Variants in DYRK3 observed in about 807,000 individuals in gnomAD.
DYRK3 encodes dual specificity tyrosine phosphorylation regulated kinase 3.
DYRK3 carries 30 observed loss-of-function variants against 40.8 expected under a neutral mutation model. That is an observed-to-expected ratio of 0.74 (90% CI 0.55 to 1.00). The LOEUF is 1.00. DYRK3 is among the 50% of genes least tolerant of loss of function. The pLI is 0.00. For missense variants in DYRK3, 699 were observed against 731.5 expected (o/e 0.96, Z 0.51); for synonymous variants, 272 against 260.7 (o/e 1.04, Z -0.42).
At chr1:206,640,304 A>T (rs1048047625) in intron 2 of DYRK3, among the ~76,000 whole-genome samples, 2 of 152,164 alleles carry the variant, frequency 1.3e-5, no homozygotes, top group East Asian at 1.9e-4. Flanking sequence ...GGTGCCACTT[A>T]CATTTCATTA....
Position 206,651,159 on chromosome 1 carries a change from C to G in DYRK3, c.*2194C>G, listed in dbSNP as rs1671622034. Among the ~76,000 whole-genome samples, 1 of 152,188 alleles carries G rather than the reference C, an allele frequency of 6.6e-6. No homozygotes were observed. The highest frequency in any genetic ancestry group is 2.4e-5 in the African/African-American group (1 of 41,454). On this transcript the variant is annotated 3_prime_UTR_variant, in exon 3 of 3. Transcript: ENST00000367109. The stretch of plus-strand genomic sequence containing the variant: ...CATCTTGATCTCTTCAGATGTCACA[C>G]TAAATGCTGCTCATAACCCATCCTC...
Position 206,647,781 on chromosome 1 carries a change from G to A in DYRK3, c.583G>A (p.Gly195Arg). 1 of 1,614,122 alleles carries A rather than the reference G, an allele frequency of 6.2e-7. No individual in the cohort carries two copies. Among genetic ancestry groups the A allele is most frequent in the Non-Finnish European group, 8.5e-7 (1 of 1,180,016 alleles). ...PNNGGYDDAD[G>R]AYIHVPRDHL... ...TAATGGAGGGTATGATGATGCAGAT[G>A]GGGCCTATATTCATGTACCTCGAGA... Residue 195 changes from glycine (G) to arginine (R), a missense_variant, in exon 3 of 3, where the codon GGG (glycine) becomes AGG (arginine). By Grantham distance (125) the Gly-to-Arg change is moderately radical (BLOSUM62 -2). Transcript: ENST00000367109.
At chr1:206,638,198 TATAG>T (rs1350883858) in intron 2 of DYRK3, among the ~76,000 whole-genome samples, 1 of 151,902 alleles carries the variant, frequency 6.6e-6, no homozygotes, top group African/African-American at 2.4e-5. Flanking sequence ...AGAACCATTT[TATAG>T]ATAGATGATA....
Position 206,649,956 on chromosome 1 carries a change from G to A in DYRK3, c.*991G>A, listed in dbSNP as rs2102347341. Reference sequence around the variant, plus strand: ...ATTTTTCCCCCCACTTTCACGTTAAGCTTAATGCTATTCCCTAGATCTGAG... The same window carrying A: ...ATTTTTCCCCCCACTTTCACGTTAAACTTAATGCTATTCCCTAGATCTGAG... On this transcript the variant is annotated 3_prime_UTR_variant, in exon 3 of 3. Coordinates refer to ENST00000367109, the MANE Select transcript of DYRK3 (RefSeq NM_003582.4). 6.6e-6 allele frequency among the ~76,000 whole-genome samples: 1 copy of A among 152,234 alleles called. No individual in the cohort carries two copies. Among genetic ancestry groups the A allele is most frequent in the East Asian group, 1.9e-4 (1 of 5,184 alleles).
chr1:206,636,712 A>G (rs1671122565), intron 1 of DYRK3, among the ~76,000 whole-genome samples: 1 of 152,234 alleles, frequency 6.6e-6, no homozygotes, highest in Non-Finnish European at 1.5e-5. Context: ...TTCCTCTGCA[A>G]CATCATCATT....
chr1:206,647,777 A>C lies in DYRK3; in HGVS notation c.579A>C (p.Ala193=). ...CCAATAATGGAGGGTATGATGATGC[A>C]GATGGGGCCTATATTCATGTACCTC... The part of the protein sequence containing the change: ...GGPNNGGYDD[A]DGAYIHVPRD... The change falls in exon 3 of 3, where the codon GCA becomes GCC. Residue 193 remains alanine (A), a synonymous_variant. Coordinates refer to ENST00000367109, the MANE Select transcript of DYRK3 (RefSeq NM_003582.4). The C allele has an allele frequency of 6.2e-7, 1 of 1,614,178 alleles. No individual in the cohort carries two copies. Among genetic ancestry groups the C allele is most frequent in the Non-Finnish European group, 8.5e-7 (1 of 1,180,020 alleles).
chr1:206,652,981 G>A lies in DYRK3; in HGVS notation c.*4016G>A, dbSNP rs1050025450. 2.0e-5 allele frequency among the ~76,000 whole-genome samples: 3 copies of A among 152,124 alleles called. No individual in the cohort carries two copies. The highest frequency in any genetic ancestry group is 7.2e-5 in the African/African-American group (3 of 41,430). ...TTGTTTCTGACACGGTGAGAGTTGGGTTAGAATTTTTATTTCATTCCCCAA... is the reference window on the plus strand; with the variant it reads ...TTGTTTCTGACACGGTGAGAGTTGGATTAGAATTTTTATTTCATTCCCCAA... On this transcript the variant is annotated 3_prime_UTR_variant, in exon 3 of 3. Transcript: ENST00000367109.
chr1:206,645,041 A>G (rs1671410623), intron 2 of DYRK3, among the ~76,000 whole-genome samples: 2 of 152,212 alleles, frequency 1.3e-5, no homozygotes, highest in South Asian at 2.1e-4. Context: ...TAAGTGTTCT[A>G]TAAATATTTA....
chr1:206,652,212 T>C lies in DYRK3; in HGVS notation c.*3247T>C, dbSNP rs559028743. Among the ~76,000 whole-genome samples the C allele has an allele frequency of 6.6e-6, 1 of 152,338 alleles. No individual in the cohort carries two copies. Among genetic ancestry groups the C allele is most frequent in the Non-Finnish European group, 1.5e-5 (1 of 68,036 alleles). On this transcript the variant is annotated 3_prime_UTR_variant, in exon 3 of 3. Coordinates refer to ENST00000367109, the MANE Select transcript of DYRK3 (RefSeq NM_003582.4). ...AGAAATTTAAGGATCTCCTGCATTA[T>C]CTAGGCAGAGCATATGTTGAGGTTG...
Position 206,647,823 on chromosome 1 carries a change from T to C in DYRK3, c.625T>C (p.Tyr209His). Residue 209 changes from tyrosine (Y) to histidine (H), a missense_variant, in exon 3 of 3, where the codon TAT becomes CAT. By Grantham distance (83) the Tyr-to-His change is moderately conservative (BLOSUM62 2). Transcript: ENST00000367109. The stretch of plus-strand genomic sequence containing the variant: ...ACCTCGAGACCATCTAGCTTATCGA[T>C]ATGAGGTGCTGAAAATTATTGGCAA... ...HVPRDHLAYRYEVLKIIGKGS... is the reference protein window; with the variant it reads ...HVPRDHLAYRHEVLKIIGKGS... The C allele has an allele frequency of 6.2e-7, 1 of 1,614,028 alleles. No individual in the cohort carries two copies.
rs1553420271 is a variant in DYRK3 at position 206,647,416 on chromosome 1, A to T, written c.218A>T (p.His73Leu). ...ACCACTGAGCAGTTTACAGGAGATC[A>T]TACTCAGCACTTTTTGGATGGAGGT... is the stretch of plus-strand genomic sequence containing the variant. Reference protein sequence around the residue: ...NMTTEQFTGDHTQHFLDGGEM... With the variant: ...NMTTEQFTGDLTQHFLDGGEM... The change falls in exon 3 of 3, where the codon CAT becomes CTT. Residue 73 changes from histidine (H) to leucine (L), a missense_variant. By Grantham distance (99) the His-to-Leu change is moderately conservative. Transcript: ENST00000367109. The T allele has an allele frequency of 2.5e-6, 4 of 1,613,522 alleles. No homozygotes were observed. The highest frequency in any genetic ancestry group is 3.4e-6 in the Non-Finnish European group (4 of 1,179,704).
intron 2 of DYRK3, among the ~76,000 whole-genome samples, chr1:206,639,751 C>T (rs1034103618): frequency 1.6e-4 from 24 of 151,952 alleles, no homozygotes; most frequent in Admixed American, 6.6e-4. Context: ...CAAGCCACCG[C>T]GCCCAGCCAA....
At chr1:206,642,187 A>T (rs1553419446) in intron 2 of DYRK3, among the ~76,000 whole-genome samples, 1 of 150,746 alleles carries the variant, frequency 6.6e-6, no homozygotes, top group Admixed American at 6.6e-5. Context: ...AATGCTCACC[A>T]TCACTGGCCA....
At position 206,650,722 on chromosome 1, in the gene DYRK3, T is replaced by C. The variant is rs561366517; in HGVS notation, c.*1757T>C. Among the ~76,000 whole-genome samples the C allele has an allele frequency of 6.6e-6, 1 of 152,220 alleles. No homozygotes were observed. The highest frequency in any genetic ancestry group is 2.1e-4 in the South Asian group (1 of 4,822). The stretch of plus-strand genomic sequence containing the variant: ...GAAAAGAAAATAAAAATGCCATGAG[T>C]ATATTATTTAAGGAACTTTTGTTTT... On this transcript the variant is annotated 3_prime_UTR_variant, in exon 3 of 3. Transcript: ENST00000367109.
At position 206,654,601 on chromosome 1, in the gene DYRK3, GC is replaced by G. The variant is rs1671706970; in HGVS notation, c.*5638del. 1.3e-5 allele frequency among the ~76,000 whole-genome samples: 2 copies of G among 152,048 alleles called. No individual in the cohort carries two copies. On this transcript the variant is annotated 3_prime_UTR_variant, in exon 3 of 3. Transcript: ENST00000367109. ...TTTAAAGAATTTACTTCCAGACCTG[GC>G]CTTCAGCCTAATATGATTAGGGTGT...
In DYRK3 at chr1:206,647,927, GA is replaced by G. The variant is rs1558558957; in HGVS notation, c.731del (p.Lys244SerfsTer26). On this transcript the variant is annotated frameshift_variant, in exon 3 of 3. Transcript: ENST00000367109. LOFTEE classifies it high-confidence loss of function. The stretch of plus-strand genomic sequence containing the variant: ...TGGCCCTAAAAATGGTGCGCAATGA[GA>G]AGCGCTTTCATCGTCAAGCAGCTGA... ...YVALKMVRNE[K>X]RFHRQAAEEI... 3 of 1,614,110 alleles carry G rather than the reference GA, an allele frequency of 1.9e-6. No homozygotes were observed. The highest frequency in any genetic ancestry group is 2.5e-6 in the Non-Finnish European group (3 of 1,180,030).
At chr1:206,644,137 C>A (rs1465313714) in intron 2 of DYRK3, among the ~76,000 whole-genome samples, 4 of 149,674 alleles carry the variant, frequency 2.7e-5, no homozygotes, top group Middle Eastern at 3.4e-3. Context: ...TGGGTTCAAG[C>A]AATTCTTCTT....
In DYRK3 at chr1:206,654,595, G is replaced by C. The variant is rs1276708488; in HGVS notation, c.*5630G>C. On this transcript the variant is annotated 3_prime_UTR_variant, in exon 3 of 3. Transcript: ENST00000367109. ...CAAACTTTTAAAGAATTTACTTCCA[G>C]ACCTGGCCTTCAGCCTAATATGATT... Among the ~76,000 whole-genome samples, 4 of 152,132 alleles carry C rather than the reference G, an allele frequency of 2.6e-5. No individual in the cohort carries two copies. The highest frequency in any genetic ancestry group is 4.1e-4 in the South Asian group (2 of 4,832).
intron 1 of DYRK3, among the ~76,000 whole-genome samples, chr1:206,637,281 C>G (rs1257364465): frequency 6.6e-6 from 1 of 152,198 alleles, no homozygotes; most frequent in Non-Finnish European, 1.5e-5. Flanking sequence ...ACTTGAGAAA[C>G]TATTACCTCT....
Sources: gnomAD v4.1 joint callset for allele counts (sites outside exome capture counted in the v4.1 genomes callset) on GRCh38, gnomAD v4.1.1 for gene constraint, MANE v1.5 for transcripts, NCBI Gene and HGNC (gene_info 2026-07-23, HGNC 2026-07-21) for gene names.